Variants in SNX9 observed in about 807,000 individuals in gnomAD.
SNX9 encodes sorting nexin-9.
SNX9 carries 44 observed loss-of-function variants against 89.4 expected under a neutral mutation model. The observed-to-expected ratio is 0.49, with a 90% CI of 0.39 to 0.63. The LOEUF is 0.63. SNX9 is among the 30% of genes least tolerant of loss of function. The pLI is 0.00. For missense variants in SNX9, 578 were observed against 736.1 expected, an observed-to-expected ratio of 0.79 and a Z score of 2.49; for synonymous variants, 236 against 247.8, an observed-to-expected ratio of 0.95 and a Z score of 0.45.
chr6:157,911,968 G>T (rs73792156), intron 9 of SNX9, among the ~76,000 whole-genome samples: 2 of 152,094 alleles, frequency 1.3e-5, no homozygotes, highest in Non-Finnish European at 2.9e-5. Context: ...GTCCCTCGTG[G>T]TGCTGGGGCG....
At position 157,906,278 on chromosome 6, in the gene SNX9, C is replaced by CT. The variant is rs1783214185; in HGVS notation, c.705+67dup. 5 of 1,252,234 alleles carry CT rather than the reference C, an allele frequency of 4.0e-6. No individual in the cohort carries two copies. The Admixed American group carries it at 9.9e-5, about 25-fold the overall frequency. The allele number at this position is 1,252,234 out of a possible 1,614,324, so 77.6% of individuals were successfully genotyped here. ...CTCTTTCTTATACCGTACTTTAAAGCTAAGCGAGTTATTCATCTTTTGGAA... is the reference window on the plus strand; with the variant it reads ...CTCTTTCTTATACCGTACTTTAAAGCTTAAGCGAGTTATTCATCTTTTGGAA... On this transcript the variant is annotated intron_variant, in intron 7 of 17. Coordinates refer to ENST00000392185, the MANE Select transcript of SNX9 (RefSeq NM_016224.5).
At chr6:157,838,244 C>T (rs1487036840) in intron 1 of SNX9, among the ~76,000 whole-genome samples, 1 of 151,990 alleles carries the variant, frequency 6.6e-6, no homozygotes, top group Non-Finnish European at 1.5e-5. Flanking sequence ...AACTCCTGGG[C>T]TCAAGCAGTC....
At chr6:157,941,883 C>T (rs1289591672) in intron 17 of SNX9, among the ~76,000 whole-genome samples, 2 of 152,228 alleles carry the variant, frequency 1.3e-5, no homozygotes, top group East Asian at 1.9e-4. Context: ...CCTTACAGGA[C>T]GTGGGCCCTA....
At chr6:157,849,951 G>A (rs189899464) in intron 1 of SNX9, among the ~76,000 whole-genome samples, 1 of 152,200 alleles carries the variant, frequency 6.6e-6, no homozygotes, top group African/African-American at 2.4e-5. Flanking sequence ...GGCAGGTGAC[G>A]TTGTCAGAGT....
chr6:157,837,350 TA>T (rs1781606644), intron 1 of SNX9, among the ~76,000 whole-genome samples: 1 of 152,238 alleles, frequency 6.6e-6, no homozygotes, highest in South Asian at 2.1e-4. Flanking sequence ...TGTGTGTTAT[TA>T]AAACAGTAAT....
Position 157,889,007 on chromosome 6 carries a change from G to A in SNX9, c.301-7820G>A, listed in dbSNP as rs1471127337. Among the ~76,000 whole-genome samples the A allele has an allele frequency of 3.3e-5, 5 of 152,292 alleles. No individual in the cohort carries two copies. The East Asian group carries it at 9.6e-4, about 29-fold the overall frequency. On this transcript the variant is annotated intron_variant, in intron 4 of 17. Coordinates refer to ENST00000392185, the MANE Select transcript of SNX9 (RefSeq NM_016224.5). The stretch of plus-strand genomic sequence containing the variant: ...TTGTCCTGTAAAAATTCAAGAGGAA[G>A]GGGAGGTGTAAGGAAAGAAACGAAG...
chr6:157,891,345 G>C (rs551162376), intron 4 of SNX9, among the ~76,000 whole-genome samples: 1 of 151,938 alleles, frequency 6.6e-6, no homozygotes, highest in African/African-American at 2.4e-5. Flanking sequence ...CATTTTTTCT[G>C]TAGTCACATG....
At chr6:157,918,712 T>C (rs941132706) in intron 9 of SNX9, among the ~76,000 whole-genome samples, 1 of 152,168 alleles carries the variant, frequency 6.6e-6, no homozygotes, top group Admixed American at 6.5e-5. Flanking sequence ...TTACGGTGTA[T>C]TGTTTTAATT....
chr6:157,875,188 T>C lies in SNX9; in HGVS notation c.300+12T>C. 1.9e-6 allele frequency: 3 copies of C among 1,602,810 alleles called. No individual in the cohort carries two copies. Among genetic ancestry groups the C allele is most frequent in the Middle Eastern group, 1.7e-4 (1 of 6,036 alleles). The stretch of plus-strand genomic sequence containing the variant: ...GCAACAATCACCAGGTACGTCTCAC[T>C]TCCTCCTTCTGGATGTGGCTGGCTT... On this transcript the variant is annotated intron_variant, in intron 4 of 17. Transcript: ENST00000392185.
At chr6:157,928,906 T>G (rs79735483) in intron 12 of SNX9, among the ~76,000 whole-genome samples, 208 of 152,242 alleles carry the variant, frequency 1.4e-3, no homozygotes, top group African/African-American at 5.0e-3. Flanking sequence ...GGTTAAGAAA[T>G]CTCATAGGGA....
intron 5 of SNX9, among the ~76,000 whole-genome samples, chr6:157,900,557 A>G (rs1005661907): frequency 7.9e-5 from 12 of 152,304 alleles, no homozygotes; most frequent in African/African-American, 2.6e-4. Flanking sequence ...AGTGCCAACA[A>G]TGCACTGGAT....
intron 1 of SNX9, among the ~76,000 whole-genome samples, chr6:157,832,959 C>T (rs997601350): frequency 2.0e-5 from 3 of 152,164 alleles, no homozygotes; most frequent in Admixed American, 2.0e-4. Context: ...TCTGCAAGTC[C>T]AGACTTTGCC....
At chr6:157,893,220 T>G (rs576856257) in intron 4 of SNX9, among the ~76,000 whole-genome samples, 9 of 152,228 alleles carry the variant, frequency 5.9e-5, no homozygotes, top group Non-Finnish European at 1.0e-4. Flanking sequence ...TGCCTTCATT[T>G]CCAGCGTCCA....
intron 6 of SNX9, among the ~76,000 whole-genome samples, chr6:157,903,541 G>T (rs1783150283): frequency 6.6e-6 from 1 of 152,202 alleles, no homozygotes; most frequent in Non-Finnish European, 1.5e-5. Context: ...CAGTAGTGAT[G>T]TGCATCATTG....
intron 4 of SNX9, among the ~76,000 whole-genome samples, chr6:157,895,218 C>T (rs972551477): frequency 2.0e-5 from 3 of 152,184 alleles, no homozygotes; most frequent in Non-Finnish European, 2.9e-5. Context: ...ACAGCCTCAG[C>T]GAGCTGCTGA....
intron 1 of SNX9, among the ~76,000 whole-genome samples, chr6:157,840,664 G>A (rs1467375575): frequency 6.6e-6 from 1 of 152,104 alleles, no homozygotes; most frequent in Non-Finnish European, 1.5e-5. Context: ...GGAAAATCCT[G>A]TGCTCCATTT....
At chr6:157,871,152 G>GGGGAT (rs10687256) in intron 2 of SNX9, among the ~76,000 whole-genome samples, 1,901 of 152,314 alleles carry the variant, frequency 0.012, 43 homozygotes, top group African/African-American at 0.044. Flanking sequence ...GCCGAGGCAG[G>GGGGAT]GGGATCGCTT....
Position 157,842,768 on chromosome 6 carries a change from A to G in SNX9, c.12+19322A>G, listed in dbSNP as rs7753674. On this transcript the variant is annotated intron_variant, in intron 1 of 17. Coordinates refer to ENST00000392185, the MANE Select transcript of SNX9 (RefSeq NM_016224.5). ...TGCAGGGTCTGCAAATATCTTAATC[A>G]CTGATCTTAGGTTTTACAATAGTGA... Among the ~76,000 whole-genome samples the G allele has an allele frequency of 5.9e-3, 903 of 152,224 alleles. 6 individuals are homozygous for G. The highest frequency in any genetic ancestry group is 0.02 in the African/African-American group (821 of 41,506).
At chr6:157,841,275 C>G (rs1486918312) in intron 1 of SNX9, among the ~76,000 whole-genome samples, 2 of 152,136 alleles carry the variant, frequency 1.3e-5, no homozygotes, top group African/African-American at 4.8e-5. Flanking sequence ...AATTCCACAT[C>G]TGTGTGTTTT....
Sources: gnomAD v4.1 joint callset for allele counts (sites outside exome capture counted in the v4.1 genomes callset) on GRCh38, gnomAD v4.1.1 for gene constraint, MANE v1.5 for transcripts, NCBI Gene and HGNC (gene_info 2026-07-23, HGNC 2026-07-21) for gene names.